CPS1: variants seen among roughly 807,000 people sequenced by gnomAD.
The protein encoded by CPS1 is carbamoyl-phosphate synthase 1, also known as carbamoyl-phosphate synthase [ammonia], mitochondrial.
In CPS1, 109 loss-of-function variants were observed where a neutral mutation model predicts 174.6. The observed-to-expected ratio is 0.62, with a 90% CI of 0.53 to 0.73. The LOEUF is 0.73. CPS1 is among the 30% of genes least tolerant of loss of function. The probability of loss-of-function intolerance (pLI) is 0.00; values close to 1 mark genes in which losing one functional copy is unlikely to be tolerated. For synonymous variants in CPS1, 637 were observed against 632.0 expected, an observed-to-expected ratio of 1.01 and a Z score of -0.12; for missense variants, 1,689 against 1,821.9, an observed-to-expected ratio of 0.93 and a Z score of 1.33.
At chr2:210,535,395 T>C (rs1696219658) in intron 1 of CPS1, among the ~76,000 whole-genome samples, 1 of 152,188 alleles carries the variant, frequency 6.6e-6, no homozygotes, top group East Asian at 1.9e-4. Flanking sequence ...TTAAAAGCTT[T>C]CTATCTACCT....
At chr2:210,541,922 C>T (rs182305625) in intron 1 of CPS1, among the ~76,000 whole-genome samples, 158 of 152,188 alleles carry the variant, frequency 1.0e-3, no homozygotes, top group African/African-American at 2.4e-3. Context: ...CTATGCCACC[C>T]GTTTGATTTC....
At chr2:210,629,066 A>T (rs931207643) in intron 21 of CPS1, among the ~76,000 whole-genome samples, 1 of 152,196 alleles carries the variant, frequency 6.6e-6, no homozygotes, top group Non-Finnish European at 1.5e-5. Context: ...ATGAGGCCTT[A>T]TAAAGTGTTT....
intron 1 of CPS1, among the ~76,000 whole-genome samples, chr2:210,516,963 T>A (rs1254557286): frequency 6.6e-6 from 1 of 152,030 alleles, no homozygotes; most frequent in Non-Finnish European, 1.5e-5. Flanking sequence ...AGCTTGCTTT[T>A]TCTAATGTCC....
chr2:210,664,027 A>C (rs1701008990), intron 33 of CPS1, among the ~76,000 whole-genome samples: 1 of 152,208 alleles, frequency 6.6e-6, no homozygotes, highest in African/African-American at 2.4e-5. Context: ...GGTTACAAGC[A>C]AGATCTGTGA....
chr2:210,500,024 G>A (rs990746617), intron 1 of CPS1, among the ~76,000 whole-genome samples: 3 of 152,064 alleles, frequency 2.0e-5, no homozygotes, highest in Non-Finnish European at 4.4e-5. Flanking sequence ...TACAATTATG[G>A]TGGAAGGCAC....
intron 1 of CPS1, among the ~76,000 whole-genome samples, chr2:210,560,551 C>G (rs375274513): frequency 2.0e-4 from 31 of 152,218 alleles, no homozygotes; most frequent in African/African-American, 7.0e-4. Context: ...AGCTAGGAAC[C>G]TAACAATCCA....
intron 10 of CPS1, 111 bp from the exon 11 acceptor site, chr2:210,592,768 G>T: frequency 9.7e-7 from 1 of 1,030,568 alleles, no homozygotes; most frequent in Non-Finnish European, 1.5e-6. Flanking sequence ...ATTTTGTTAA[G>T]CATCTAACTC....
Position 210,612,244 on chromosome 2 carries a change from G to T in CPS1, c.2519G>T (p.Arg840Ile). The T allele has an allele frequency of 6.2e-7, 1 of 1,612,122 alleles. No individual in the cohort carries two copies. Among genetic ancestry groups the T allele is most frequent in the Non-Finnish European group, 8.5e-7 (1 of 1,178,816 alleles). Residue 840 changes from arginine (R) to isoleucine (I), a missense_variant, in exon 20 of 38, where the codon AGA (arginine) becomes ATA (isoleucine). Physicochemically the swap from Arg to Ile is moderately conservative, Grantham distance 97 (BLOSUM62 -3). Coordinates refer to ENST00000233072, the MANE Select transcript of CPS1 (RefSeq NM_001875.5). ...GAATGGCCATCTAATTTAGATCTTA[G>T]AAAAGAGTTGTCTGAACCAAGCAGC... ...NKEWPSNLDL[R>I]KELSEPSSTR...
In CPS1 at chr2:210,565,589, T is replaced by G. The variant is rs540025340; in HGVS notation, c.127-7709T>G. ...TAATGTTAATAATTGCAGCCACAAT[T>G]TAAACATATTGGTTCAAAAGTTTAA... On this transcript the variant is annotated intron_variant, in intron 1 of 37. Coordinates refer to ENST00000233072, the MANE Select transcript of CPS1 (RefSeq NM_001875.5). 1.8e-4 allele frequency among the ~76,000 whole-genome samples: 28 copies of G among 152,336 alleles called. 1 individual carries two copies. The South Asian group carries it at 5.8e-3, about 32-fold the overall frequency.
intron 3 of CPS1, among the ~76,000 whole-genome samples, chr2:210,576,713 ACTTGG>A (rs1697724122): frequency 6.6e-6 from 1 of 152,118 alleles, no homozygotes; most frequent in East Asian, 1.9e-4. Context: ...GTTGGATGAA[ACTTGG>A]CTTAACTTGA....
chr2:210,601,535 T>G (rs1698725367), intron 15 of CPS1, among the ~76,000 whole-genome samples: 1 of 151,988 alleles, frequency 6.6e-6, no homozygotes, highest in African/African-American at 2.4e-5. Context: ...TGGGAAGCTC[T>G]TGCCATACAT....
intron 25 of CPS1, 56 bp from the exon 26 acceptor site, chr2:210,647,807 T>C (rs553221260): frequency 5.8e-6 from 9 of 1,554,288 alleles, no homozygotes; most frequent in African/African-American, 1.4e-5. Context: ...ATTAGCATAG[T>C]TGTCCATTCA....
At chr2:210,530,113 C>T (rs1301108260) in intron 1 of CPS1, among the ~76,000 whole-genome samples, 10 of 151,972 alleles carry the variant, frequency 6.6e-5, no homozygotes, top group African/African-American at 2.2e-4. Flanking sequence ...AAAGTTGATT[C>T]TGAAGGCAAC....
In CPS1 at chr2:210,678,172, C is replaced by T. The variant is rs543723956; in HGVS notation, c.*187C>T. 638 of 672,386 alleles carry T rather than the reference C, an allele frequency of 9.5e-4. 2 individuals carry two copies. The Middle Eastern group carries it at 0.014, about 15-fold the overall frequency. 41.7% of individuals were successfully genotyped at this position (672,386 alleles called of 1,614,324 possible). ...AGTCACTTCTTCAAAACCTTACAGT[C>T]CTTCCTAAGTTACTCTTCATGAGAT... On this transcript the variant is annotated 3_prime_UTR_variant, in exon 38 of 38. Coordinates refer to ENST00000233072, the MANE Select transcript of CPS1 (RefSeq NM_001875.5).
At chr2:210,671,947 A>G (rs1250386474) in intron 34 of CPS1, 5 of 152,144 alleles carry the variant, frequency 3.3e-5, no homozygotes, top group Non-Finnish European at 7.4e-5. Flanking sequence ...AGCCAAGGTT[A>G]ATGCAATCTT....
In CPS1 at chr2:210,594,570, C is replaced by T. The variant is rs1394034733; in HGVS notation, c.1227C>T (p.Val409=). 1 of 1,611,280 alleles carries T rather than the reference C, an allele frequency of 6.2e-7. No homozygotes were observed. The highest frequency in any genetic ancestry group is 8.5e-7 in the Non-Finnish European group (1 of 1,178,282). The part of the protein sequence containing the change: ...KKGKATTITS[V]LPKPALVASR... ...GAAAAGCTACCACCATTACATCAGT[C>T]TTACCGAAGCCAGCACTAGTTGCAT... The change falls in exon 12 of 38, where the codon GTC becomes GTT. Residue 409 remains valine, a synonymous_variant. Transcript: ENST00000233072.
Position 210,612,178 on chromosome 2 carries a change from C to A in CPS1, c.2453C>A (p.Pro818Gln), listed in dbSNP as rs138718997. The change falls in exon 20 of 38, where the codon CCA becomes CAA. Residue 818 changes from proline to glutamine, a missense_variant. Transcript: ENST00000233072. ...CAGAAAGCTTTACGGATGTGCCACC[C>A]ATCTATAGAAGGTTTCACTCCCCGT... ...SFQKALRMCH[P>Q]SIEGFTPRLP... 1 of 1,612,056 alleles carries A rather than the reference C, an allele frequency of 6.2e-7. No individual in the cohort carries two copies. Among genetic ancestry groups the A allele is most frequent in the African/African-American group, 1.3e-5 (1 of 74,724 alleles).
chr2:210,667,943 T>C, intron 33 of CPS1, among the ~76,000 whole-genome samples: 1 of 152,182 alleles, frequency 6.6e-6, no homozygotes, highest in Admixed American at 6.5e-5. Context: ...TCATTATGCT[T>C]AATTAAAAAC....
At chr2:210,653,619 A>C (rs1700621128) in intron 28 of CPS1, among the ~76,000 whole-genome samples, 1 of 152,172 alleles carries the variant, frequency 6.6e-6, no homozygotes, top group Non-Finnish European at 1.5e-5. Flanking sequence ...GTGCTTAGAA[A>C]AGATAAGGGT....
Sources: allele counts gnomAD v4.1 joint callset (sites outside exome capture counted in the v4.1 genomes callset), GRCh38; gene constraint gnomAD v4.1.1; transcripts MANE v1.5; gene names NCBI Gene and HGNC (gene_info 2026-07-23, HGNC 2026-07-21).